Variants in CSNK1D observed in about 807,000 individuals in gnomAD.
CSNK1D encodes casein kinase I isoform delta.
In CSNK1D, 16 loss-of-function variants were observed where a neutral mutation model predicts 46.6. The ratio of observed to expected loss-of-function variants is 0.34; its 90% confidence interval spans 0.23 to 0.52. The LOEUF (loss-of-function observed/expected upper bound fraction) is 0.52. Among genes scored for constraint, CSNK1D ranks in the 20% least tolerant of loss-of-function variants. The pLI is 0.95. For missense variants in CSNK1D, 398 were observed against 578.4 expected, an observed-to-expected ratio of 0.69 and a Z score of 3.20; for synonymous variants, 276 against 228.2, an observed-to-expected ratio of 1.21 and a Z score of -1.89.
At chr17:82,268,042 G>A (rs1290588860) in intron 1 of CSNK1D, among the ~76,000 whole-genome samples, 1 of 152,220 alleles carries the variant, frequency 6.6e-6, no homozygotes, top group African/African-American at 2.4e-5. Context: ...CTCTCGCTGT[G>A]CAAGCACACA....
intron 3 of CSNK1D, chr17:82,254,261 G>A (rs2051100945): frequency 8.0e-6 from 2 of 251,336 alleles, no homozygotes; most frequent in South Asian, 3.0e-5. Context: ...TGAGCCGCCG[G>A]AGCCTCGAGA....
chr17:82,240,521 G>A (rs1386576104), downstream of CSNK1D, among the ~76,000 whole-genome samples: 4 of 152,178 alleles, frequency 2.6e-5, no homozygotes, highest in Admixed American at 6.5e-5. Context: ...TGGCAGGGAG[G>A]TCATGGGCCG....
chr17:82,273,192 G>A lies in CSNK1D; in HGVS notation c.76+114C>T, dbSNP rs1327858904. 2.7e-6 allele frequency: 3 copies of A among 1,101,104 alleles called. No individual in the cohort carries two copies. The highest frequency in any genetic ancestry group is 3.9e-6 in the Non-Finnish European group (3 of 768,150). 68.2% of individuals were successfully genotyped at this position (1,101,104 alleles called of 1,614,324 possible). On this transcript the variant is annotated intron_variant, in intron 1 of 8. Coordinates refer to ENST00000314028, the MANE Select transcript of CSNK1D (RefSeq NM_001893.6). This position sits in a 1 kb window ranked among gnomAD's most constrained non-coding sequence, Gnocchi z 5.1. ...GTTCTGGCCACGATCCGGCGGTGCC[G>A]GGACTTGCGCGGAGACCCCGCGGGG... is the stretch of plus-strand genomic sequence containing the variant.
downstream of CSNK1D, chr17:82,239,913 C>G (rs1231582770): frequency 9.8e-7 from 1 of 1,022,116 alleles, no homozygotes; most frequent in African/African-American, 1.7e-5. Flanking sequence ...CTAACACCCA[C>G]CTGCCCTCGT....
chr17:82,249,265 T>G lies in CSNK1D; in HGVS notation c.1057+166A>C. On this transcript the variant is annotated intron_variant, in intron 7 of 8. Coordinates refer to ENST00000314028, the MANE Select transcript of CSNK1D (RefSeq NM_001893.6). The surrounding 1 kb of genome is among the most constrained non-coding windows in gnomAD (Gnocchi z 6.7). ...CACGCACACCAGCAGGTGCCGGCATTTCTAAAGGCGCCTGGGCAGCCTGGC... is the reference window on the plus strand; with the variant it reads ...CACGCACACCAGCAGGTGCCGGCATGTCTAAAGGCGCCTGGGCAGCCTGGC... 1.2e-6 allele frequency: 1 copy of G among 836,832 alleles called. No homozygotes were observed. The highest frequency in any genetic ancestry group is 1.8e-6 in the Non-Finnish European group (1 of 549,362). 51.8% of individuals were successfully genotyped at this position (836,832 alleles called of 1,614,324 possible).
intron 2 of CSNK1D, chr17:82,260,970 T>TCTAGCCATCCTC (rs2051325695): frequency 6.5e-6 from 1 of 155,014 alleles, no homozygotes; most frequent in Non-Finnish European, 1.5e-5. Flanking sequence ...CCTCCCGAAC[T>TCTAGCCATCCTC]CTAGCCATCC....
chr17:82,268,488 A>T (rs938178029), intron 1 of CSNK1D, among the ~76,000 whole-genome samples: 15 of 152,216 alleles, frequency 9.9e-5, no homozygotes, highest in African/African-American at 3.6e-4. Context: ...CAGGTTGAAA[A>T]TTACAAGCCT....
At position 82,264,693 on chromosome 17, in the gene CSNK1D, AG is replaced by A. The variant is rs1158946472; in HGVS notation, c.187+992del. 3.9e-5 allele frequency among the ~76,000 whole-genome samples: 6 copies of A among 152,292 alleles called. No homozygotes were observed. In the East Asian group the frequency reaches 1.2e-3, roughly 29 times the overall value. On this transcript the variant is annotated intron_variant, in intron 2 of 8. Coordinates refer to ENST00000314028, the MANE Select transcript of CSNK1D (RefSeq NM_001893.6). Reference sequence around the variant, plus strand: ...AGGCCTCACTCAGGGATCACACATCAGGAAGGCCCCACTGAGCAACACACGT... The same window carrying A: ...AGGCCTCACTCAGGGATCACACATCAGAAGGCCCCACTGAGCAACACACGT...
rs1393305066 is a variant in CSNK1D, at chr17:82,251,170, C to T, written c.885+209G>A. On this transcript the variant is annotated intron_variant, in intron 6 of 8. Coordinates refer to ENST00000314028, the MANE Select transcript of CSNK1D (RefSeq NM_001893.6). This position sits in a 1 kb window ranked among gnomAD's most constrained non-coding sequence, Gnocchi z 4.5. ...CCCAGGAATTCCATGGACCCCTCTG[C>T]GTTCCCTAATGGCGTCTTACTTCTT... The T allele has an allele frequency of 6.8e-6, 4 of 587,380 alleles. No individual in the cohort carries two copies. The highest frequency in any genetic ancestry group is 1.9e-5 in the South Asian group (1 of 52,302). The allele number at this position is 587,380 out of a possible 1,614,324, so 36.4% of individuals were successfully genotyped here.
chr17:82,239,134 TGGC>T (rs2050699157), downstream of CSNK1D: 6 of 672,524 alleles, frequency 8.9e-6, no homozygotes, highest in Non-Finnish European at 1.2e-5. Context: ...AGGGGGAAGG[TGGC>T]GGGGTGGGAA....
At chr17:82,242,604 A>AC, downstream of CSNK1D, 1 of 968,170 alleles carries the variant, frequency 1.0e-6, no homozygotes, top group African/African-American at 1.8e-5. Flanking sequence ...CACACAGTTC[A>AC]CCTCAACACA....
Position 82,244,478 on chromosome 17 carries a change from C to G in CSNK1D, c.*303G>C, listed in dbSNP as rs1016898318. On this transcript the variant is annotated 3_prime_UTR_variant, in exon 9 of 9. Transcript: ENST00000314028. Reference sequence around the variant, plus strand: ...GTCAGGGAGTACAGGGCGGCCACCACTGGAGGGAGCTGAGGCCCTGGAAAA... The same window carrying G: ...GTCAGGGAGTACAGGGCGGCCACCAGTGGAGGGAGCTGAGGCCCTGGAAAA... 4 of 1,378,422 alleles carry G rather than the reference C, an allele frequency of 2.9e-6. No homozygotes were observed. The African/African-American group carries it at 4.4e-5, about 15-fold the overall frequency. 85.4% of individuals were successfully genotyped at this position (1,378,422 alleles called of 1,614,324 possible). A position where few individuals can be genotyped will look rare whatever the true frequency, so the allele number is the denominator to read the frequency against.
rs1214844540 is a variant in CSNK1D, at chr17:82,253,835, C to T, written c.337-591G>A. The T allele has an allele frequency of 2.2e-4, 59 of 262,810 alleles. No individual in the cohort carries two copies. In the East Asian group the frequency reaches 7.8e-3, roughly 35 times the overall value. The allele number at this position is 262,810 out of a possible 1,614,324, so 16.3% of individuals were successfully genotyped here. ...GCCTCGAGAAGCCAGTGAGCTGAGC[C>T]GCCGGAGCCTCGAGAAGCCAGTCAG... On this transcript the variant is annotated intron_variant, in intron 3 of 8. Transcript: ENST00000314028.
At chr17:82,240,698 G>C (rs573572057), downstream of CSNK1D, among the ~76,000 whole-genome samples, 1 of 152,348 alleles carries the variant, frequency 6.6e-6, no homozygotes, top group South Asian at 2.1e-4. Context: ...TAGCCAGGCA[G>C]TGCTGCTCCC....
intron 8 of CSNK1D, chr17:82,247,214 A>G (rs971063326): frequency 4.0e-5 from 39 of 985,332 alleles, no homozygotes; most frequent in Non-Finnish European, 4.5e-5. Flanking sequence ...CTCATATGGA[A>G]AACGAGGGCC....
At chr17:82,260,428 C>T (rs1568575036) in intron 2 of CSNK1D, among the ~76,000 whole-genome samples, 1 of 145,284 alleles carries the variant, frequency 6.9e-6, no homozygotes, top group African/African-American at 2.6e-5. Flanking sequence ...TGATGGTGTA[C>T]TGAGTGATGT....
At position 82,243,977 on chromosome 17, in the gene CSNK1D, G is replaced by A; in HGVS notation, c.*804C>T. On this transcript the variant is annotated 3_prime_UTR_variant, in exon 9 of 9. Transcript: ENST00000314028. ...ACCTCCTGGGGAAGAAGCGCGCAGT[G>A]CTTTGCCTGGTAACACCCACTGCAC... 5.1e-6 allele frequency: 5 copies of A among 986,266 alleles called. No individual in the cohort carries two copies. Among genetic ancestry groups the A allele is most frequent in the Non-Finnish European group, 6.0e-6 (5 of 830,548 alleles). 61.1% of individuals were successfully genotyped at this position (986,266 alleles called of 1,614,324 possible). A position where few individuals can be genotyped will look rare whatever the true frequency, so the allele number is the denominator to read the frequency against.
chr17:82,252,046 T>A lies in CSNK1D; in HGVS notation c.736+388A>T, dbSNP rs969653898. 8.6e-5 allele frequency among the ~76,000 whole-genome samples: 13 copies of A among 151,376 alleles called. No homozygotes were observed. The highest frequency in any genetic ancestry group is 4.4e-5 in the Non-Finnish European group (3 of 67,910). On this transcript the variant is annotated intron_variant, in intron 5 of 8. Coordinates refer to ENST00000314028, the MANE Select transcript of CSNK1D (RefSeq NM_001893.6). The surrounding 1 kb of genome is among the most constrained non-coding windows in gnomAD (Gnocchi z 4.6). Reference sequence around the variant, plus strand: ...AATTTAGTTTCATTTGAGGTGTGTATCCTGGGGCAATCCTACAAATGCAAA... The same window carrying A: ...AATTTAGTTTCATTTGAGGTGTGTAACCTGGGGCAATCCTACAAATGCAAA...
In CSNK1D at chr17:82,250,937, A is replaced by G. The variant is rs111801512; in HGVS notation, c.885+442T>C. On this transcript the variant is annotated intron_variant, in intron 6 of 8. Transcript: ENST00000314028. The surrounding 1 kb of genome is among the most constrained non-coding windows in gnomAD (Gnocchi z 4.6). ...ACTCACACCGCATCAAGAAAGCCAC[A>G]GGGAAAATCAGCTCATGACAGGGTC... 6.0e-4 allele frequency: 154 copies of G among 258,174 alleles called. 1 individual carries two copies. Among genetic ancestry groups the G allele is most frequent in the African/African-American group, 3.1e-3 (141 of 44,870 alleles). 16.0% of individuals were successfully genotyped at this position (258,174 alleles called of 1,614,324 possible). A position where few individuals can be genotyped will look rare whatever the true frequency, so the allele number is the denominator to read the frequency against.
Sources: gnomAD v4.1 joint callset for allele counts (sites outside exome capture counted in the v4.1 genomes callset) on GRCh38, gnomAD v4.1.1 for gene constraint, Gnocchi (gnomAD v3.1) non-coding constraint, MANE v1.5 for transcripts, NCBI Gene and HGNC (gene_info 2026-07-23, HGNC 2026-07-21) for gene names.